Variants in GALNTL6 observed in about 807,000 individuals in gnomAD.
The protein encoded by GALNTL6 is polypeptide N-acetylgalactosaminyltransferase like 6.
In GALNTL6, 46 loss-of-function variants were observed where a neutral mutation model predicts 73.7. The observed-to-expected ratio is 0.62, with a 90% CI of 0.49 to 0.80. GALNTL6 has a LOEUF of 0.80. Ranked by LOEUF, GALNTL6 falls within the 30% of genes least tolerant of loss-of-function variation. The pLI, the probability that GALNTL6 is intolerant of heterozygous loss-of-function variation, is 0.00. For missense variants in GALNTL6, 604 were observed against 755.0 expected (o/e 0.80, Z 2.34); for synonymous variants, 259 against 263.7 (o/e 0.98, Z 0.17).
At chr4:172,788,127 C>G (rs1739764896) in intron 5 of GALNTL6, among the ~76,000 whole-genome samples, 1 of 152,142 alleles carries the variant, frequency 6.6e-6, no homozygotes, top group Non-Finnish European at 1.5e-5. Flanking sequence ...GGAAAGATCA[C>G]TTGAGCCCAG....
At chr4:172,385,508 C>CT (rs1410644056) in intron 5 of GALNTL6, among the ~76,000 whole-genome samples, 2 of 151,794 alleles carry the variant, frequency 1.3e-5, no homozygotes, top group South Asian at 4.2e-4. Context: ...ATAATTGACC[C>CT]TTTTTTCATT....
chr4:172,309,211 G>A (rs955716894), intron 3 of GALNTL6, among the ~76,000 whole-genome samples: 1 of 151,972 alleles, frequency 6.6e-6, no homozygotes, highest in African/African-American at 2.4e-5. Context: ...CCAGCCGTAT[G>A]ATCTTGGCTG....
chr4:172,092,148 A>C (rs1732223274), intron 2 of GALNTL6, among the ~76,000 whole-genome samples: 1 of 152,176 alleles, frequency 6.6e-6, no homozygotes, highest in Admixed American at 6.5e-5. Context: ...AAAAAAAGAA[A>C]GTACCACAAT....
At chr4:172,267,492 A>G (rs571820256) in intron 3 of GALNTL6, among the ~76,000 whole-genome samples, 1 of 152,240 alleles carries the variant, frequency 6.6e-6, no homozygotes, top group East Asian at 1.9e-4. Context: ...GAATAACTTA[A>G]AAGTTTACAT....
At chr4:172,634,528 C>T (rs898921626) in intron 5 of GALNTL6, among the ~76,000 whole-genome samples, 1 of 152,030 alleles carries the variant, frequency 6.6e-6, no homozygotes, top group Non-Finnish European at 1.5e-5. Context: ...TATTTCTTAG[C>T]CTGGGTCCCT....
chr4:172,931,906 C>T (rs987575400), intron 9 of GALNTL6, among the ~76,000 whole-genome samples: 3 of 152,166 alleles, frequency 2.0e-5, no homozygotes, highest in Non-Finnish European at 2.9e-5. Context: ...TTTAGGAGAA[C>T]GGACTCACAA....
intron 2 of GALNTL6, among the ~76,000 whole-genome samples, chr4:172,072,182 C>A (rs1731563984): frequency 6.6e-6 from 1 of 152,216 alleles, no homozygotes; most frequent in Admixed American, 6.5e-5. Context: ...GCCTGAGAAG[C>A]CCGATGTGAT....
At chr4:172,566,160 G>GAGC (rs1736547914) in intron 5 of GALNTL6, among the ~76,000 whole-genome samples, 2 of 152,092 alleles carry the variant, frequency 1.3e-5, no homozygotes, top group African/African-American at 4.8e-5. Context: ...AACAAAGAGA[G>GAGC]AGCAGCCTTA....
intron 4 of GALNTL6, among the ~76,000 whole-genome samples, chr4:172,344,993 A>G (rs564410002): frequency 8.4e-4 from 128 of 152,306 alleles, no homozygotes; most frequent in Non-Finnish European, 1.7e-3. Flanking sequence ...TAATAATGAC[A>G]GTATTTATTA....
chr4:172,349,364 G>A (rs891589690), intron 5 of GALNTL6, among the ~76,000 whole-genome samples: 2 of 151,772 alleles, frequency 1.3e-5, no homozygotes, highest in Non-Finnish European at 2.9e-5. Flanking sequence ...TTTATTGCAC[G>A]AAGGAGCTAC....
At chr4:172,030,674 T>C (rs1579073976) in intron 2 of GALNTL6, among the ~76,000 whole-genome samples, 1 of 151,882 alleles carries the variant, frequency 6.6e-6, no homozygotes, top group Non-Finnish European at 1.5e-5. Flanking sequence ...CGCACCACTG[T>C]ACTCTAGCCT....
chr4:172,961,481 G>A (rs184135167), intron 10 of GALNTL6, among the ~76,000 whole-genome samples: 5 of 152,290 alleles, frequency 3.3e-5, no homozygotes, highest in East Asian at 1.9e-4. Flanking sequence ...GCGTCCCCAC[G>A]TGGTCAGACG....
intron 5 of GALNTL6, among the ~76,000 whole-genome samples, chr4:172,767,995 A>G (rs1738542528): frequency 6.6e-6 from 1 of 152,030 alleles, no homozygotes; most frequent in African/African-American, 2.4e-5. Flanking sequence ...ACAGACTGCA[A>G]AGAGGTATAA....
At chr4:171,976,721 G>A (rs1417601391) in intron 2 of GALNTL6, among the ~76,000 whole-genome samples, 2 of 152,150 alleles carry the variant, frequency 1.3e-5, no homozygotes, top group South Asian at 2.1e-4. Flanking sequence ...ACTGTGAGTC[G>A]TTTAGGAAAG....
chr4:172,394,431 T>C lies in GALNTL6; in HGVS notation c.553+45742T>C, dbSNP rs181604958. On this transcript the variant is annotated intron_variant, in intron 5 of 12. Coordinates refer to ENST00000506823, the MANE Select transcript of GALNTL6 (RefSeq NM_001034845.3). ...TGCAATTTATTTTCTTCTTCTTCTT[T>C]TTTTTTTTTTTTTTTTTGAGATGGA... 5.6e-3 allele frequency among the ~76,000 whole-genome samples: 820 copies of C among 145,196 alleles called. 7 individuals are homozygous for C. Among genetic ancestry groups the C allele is most frequent in the African/African-American group, 0.019 (759 of 39,268 alleles).
At chr4:172,293,911 G>A (rs540937203) in intron 3 of GALNTL6, among the ~76,000 whole-genome samples, 1 of 150,922 alleles carries the variant, frequency 6.6e-6, no homozygotes, top group Admixed American at 6.6e-5. Flanking sequence ...GGGTGCATGT[G>A]CAAACTTACC....
At chr4:171,890,699 T>C (rs1736736430) in intron 2 of GALNTL6, among the ~76,000 whole-genome samples, 1 of 152,120 alleles carries the variant, frequency 6.6e-6, no homozygotes, top group Non-Finnish European at 1.5e-5. Flanking sequence ...TAAGATTACT[T>C]TTTATTATCA....
At chr4:171,997,639 A>C (rs141601930) in intron 2 of GALNTL6, among the ~76,000 whole-genome samples, 2,080 of 152,264 alleles carry the variant, frequency 0.014, 43 homozygotes, top group African/African-American at 0.046. Context: ...GTTTTAAAAA[A>C]TCATTAAGTC....
chr4:172,103,568 T>C (rs1294300790), intron 2 of GALNTL6, among the ~76,000 whole-genome samples: 2 of 152,212 alleles, frequency 1.3e-5, no homozygotes, highest in East Asian at 3.8e-4. Context: ...ACACACAATC[T>C]ATCTGTAGAC....
Sources: gnomAD v4.1 joint callset for allele counts (sites outside exome capture counted in the v4.1 genomes callset) on GRCh38, gnomAD v4.1.1 for gene constraint, MANE v1.5 for transcripts, NCBI Gene and HGNC (gene_info 2026-07-23, HGNC 2026-07-21) for gene names.